ELL3: variants seen among roughly 807,000 people sequenced by gnomAD.
The protein encoded by ELL3 is elongation factor for RNA polymerase II 3, also known as RNA polymerase II elongation factor ELL3.
Under a neutral mutation model 58.5 loss-of-function variants are expected in ELL3, and 48 were observed. That is an observed-to-expected ratio of 0.82 (90% CI 0.65 to 1.04). The LOEUF (loss-of-function observed/expected upper bound fraction) is 1.04, where lower values mean the gene tolerates loss of function less well. ELL3 is among the 50% of genes least tolerant of loss of function. ELL3 has a pLI of 0.00. For synonymous variants in ELL3, 174 were observed against 173.2 expected, an observed-to-expected ratio of 1.00 and a Z score of -0.04; for missense variants, 458 against 478.4, an observed-to-expected ratio of 0.96 and a Z score of 0.40.
rs112143282 is a variant in ELL3, at chr15:43,776,456, C to A, written c.168+53G>T. 21 of 1,553,958 alleles carry A rather than the reference C, an allele frequency of 1.4e-5. No homozygotes were observed. In the African/African-American group the frequency reaches 1.6e-4, roughly 12 times the overall value. ...GACCGCACCTTCCACCTCCAGCCCA[C>A]GTTTATGCTCCCTCGCCCTCACCTC... On this transcript the variant is annotated intron_variant, in intron 2 of 10. Transcript: ENST00000319359.
At chr15:43,775,451 A>G (rs2086907691) in intron 5 of ELL3, 70 bp from the exon 6 acceptor site, 2 of 1,608,106 alleles carry the variant, frequency 1.2e-6, no homozygotes, top group East Asian at 4.5e-5. Context: ...TTTTATTACA[A>G]CATTTAAGAG....
At chr15:43,776,357 C>T in intron 2 of ELL3, 152 bp downstream of exon 2, 1 of 1,315,844 alleles carries the variant, frequency 7.6e-7, no homozygotes, top group Non-Finnish European at 1.1e-6. Flanking sequence ...ACAACCCCAG[C>T]AGCCTCCTCG....
Position 43,776,058 on chromosome 15 carries a change from C to G in ELL3, c.262G>C (p.Val88Leu). The G allele has an allele frequency of 6.2e-7, 1 of 1,614,160 alleles. No homozygotes were observed. Among genetic ancestry groups the G allele is most frequent in the Non-Finnish European group, 8.5e-7 (1 of 1,180,028 alleles). ...QEGAGGSLDL[V>L]CQRFLRSGPN... ...CCTCACCTGAGGAAGCGTTGGCACA[C>G]AAGGTCCAAGCTACCACCAGCGCCC... The change falls in exon 3 of 11, where the codon GTG becomes CTG. Residue 88 changes from valine (V) to leucine (L), a missense_variant. Physicochemically the swap from Val to Leu is conservative, Grantham distance 32. Coordinates refer to ENST00000319359, the MANE Select transcript of ELL3 (RefSeq NM_025165.3).
Position 43,776,826 on chromosome 15 carries a change from G to C in ELL3, c.76C>G (p.Leu26Val). The change falls in exon 1 of 11, where the codon CTG becomes GTG. Residue 26 changes from leucine (L) to valine (V), a missense_variant. Leu to Val is a conservative substitution (Grantham distance 32, BLOSUM62 1). Transcript: ENST00000319359. ...FTQAARTSLLLLRLNDAALRA... is the reference protein window; with the variant it reads ...FTQAARTSLLVLRLNDAALRA... ...AGGGCAGCGTCGTTGAGCCTGAGCA[G>C]TAAGAGGCTAGTCCGGGCAGCTTGC... 5 of 1,612,260 alleles carry C rather than the reference G, an allele frequency of 3.1e-6. No individual in the cohort carries two copies. Among genetic ancestry groups the C allele is most frequent in the Non-Finnish European group, 4.2e-6 (5 of 1,179,462 alleles).
intron 2 of ELL3, 131 bp downstream of exon 2, chr15:43,776,378 A>G (rs1390115146): frequency 9.2e-6 from 13 of 1,417,910 alleles, no homozygotes; most frequent in Non-Finnish European, 1.3e-5. Flanking sequence ...CCCCACTTGG[A>G]GTTCAGTTAT....
intron 6 of ELL3, 25 bp downstream of exon 6, chr15:43,775,281 A>G: frequency 6.4e-7 from 1 of 1,568,884 alleles, no homozygotes. Context: ...GTTACAAAAA[A>G]AAAGCCCTTG....
rs1473694219 is a variant in ELL3 at position 43,774,634 on chromosome 15, A to G, written c.785T>C (p.Met262Thr). 2.5e-6 allele frequency: 4 copies of G among 1,614,164 alleles called. No homozygotes were observed. Among genetic ancestry groups the G allele is most frequent in the Non-Finnish European group, 2.5e-6 (3 of 1,180,030 alleles). The change falls in exon 7 of 11, where the codon ATG becomes ACG. Residue 262 changes from methionine (M) to threonine (T), a missense_variant. Transcript: ENST00000319359. Reference sequence around the variant, plus strand: ...GGAACTGTGTTCTAATCTGGGGTCCATGTCCTCATCTTCTTGCTCCCAATC... The same window carrying G: ...GGAACTGTGTTCTAATCTGGGGTCCGTGTCCTCATCTTCTTGCTCCCAATC... Reference protein sequence around the residue: ...GEDWEQEDEDMDPRLEHSSSV... With the variant: ...GEDWEQEDEDTDPRLEHSSSV...
intron 9 of ELL3, among the ~76,000 whole-genome samples, chr15:43,773,651 T>G (rs2086894673): frequency 1.3e-5 from 2 of 150,596 alleles, no homozygotes; most frequent in Non-Finnish European, 2.9e-5. Context: ...TGAGCCAAGA[T>G]CACGCTACTG....
Position 43,776,948 on chromosome 15 carries a change from C to A in ELL3, c.-47G>T. The A allele has an allele frequency of 6.2e-7, 1 of 1,600,326 alleles. No individual in the cohort carries two copies. Among genetic ancestry groups the A allele is most frequent in the Non-Finnish European group, 8.5e-7 (1 of 1,178,020 alleles). Reference sequence around the variant, plus strand: ...CAGCACGGGGGCCACAGGCGAGGGCCACCACCGCCACCTCCTCTGTTCAGG... The same window carrying A: ...CAGCACGGGGGCCACAGGCGAGGGCAACCACCGCCACCTCCTCTGTTCAGG... On this transcript the variant is annotated 5_prime_UTR_variant, in exon 1 of 11. Transcript: ENST00000319359.
rs1567161106 is a variant in ELL3 at position 43,773,355 on chromosome 15, CAG to C, written c.1039-9_1039-8del. The C allele has an allele frequency of 3.1e-6, 5 of 1,614,052 alleles. No individual in the cohort carries two copies. The highest frequency in any genetic ancestry group is 2.2e-5 in the East Asian group (1 of 44,880). On this transcript the variant is annotated splice_region_variant and splice_polypyrimidine_tract_variant and intron_variant, in intron 9 of 10. Coordinates refer to ENST00000319359, the MANE Select transcript of ELL3 (RefSeq NM_025165.3). ...TTATCTTGTCTTCCAGGACCTGAAA[CAG>C]AAATTACTAGCACTGAGTTCAACAT... is the stretch of plus-strand genomic sequence containing the variant.
rs751949796 is a variant in ELL3 at position 43,776,091 on chromosome 15, A to G, written c.229T>C (p.Cys77Arg). 6.2e-7 allele frequency: 1 copy of G among 1,614,090 alleles called. No homozygotes were observed. Residue 77 changes from cysteine to arginine, a missense_variant, in exon 3 of 11, where the codon TGT (cysteine) becomes CGT (arginine). Physicochemically the swap from Cys to Arg is radical, Grantham distance 180. Coordinates refer to ENST00000319359, the MANE Select transcript of ELL3 (RefSeq NM_025165.3). ...AAGCTACCACCAGCGCCCTCCTGAC[A>G]ACACTGGGACACTATGAAGGAGAAG... ...CLFSFIVSQC[C>R]QEGAGGSLDL...
rs1156662871 is a variant in ELL3, at chr15:43,772,814, C to G, written c.*302G>C. On this transcript the variant is annotated 3_prime_UTR_variant, in exon 11 of 11. Coordinates refer to ENST00000319359, the MANE Select transcript of ELL3 (RefSeq NM_025165.3). ...TGTCTAATGTCCTCATTATTTTATC[C>G]TGAAGATGATGTCATTTCTCAGGAC... 1 of 241,456 alleles carries G rather than the reference C, an allele frequency of 4.1e-6. No homozygotes were observed. Among genetic ancestry groups the G allele is most frequent in the Non-Finnish European group, 7.9e-6 (1 of 127,126 alleles). The allele number at this position is 241,456 out of a possible 1,614,324, so 15.0% of individuals were successfully genotyped here.
chr15:43,775,459 G>A (rs972217989), intron 5 of ELL3, 66 bp downstream of exon 5: 6 of 1,608,298 alleles, frequency 3.7e-6, no homozygotes, highest in Non-Finnish European at 5.1e-6. Context: ...CAACATTTAA[G>A]AGTGGAGATT....
rs1027399000 is a variant in ELL3, at chr15:43,772,819, G to T, written c.*297C>A. The stretch of plus-strand genomic sequence containing the variant: ...AATGTCCTCATTATTTTATCCTGAA[G>T]ATGATGTCATTTCTCAGGACTTGAA... On this transcript the variant is annotated 3_prime_UTR_variant, in exon 11 of 11. Coordinates refer to ENST00000319359, the MANE Select transcript of ELL3 (RefSeq NM_025165.3). 2.0e-5 allele frequency: 5 copies of T among 253,586 alleles called. No homozygotes were observed. Among genetic ancestry groups the T allele is most frequent in the Non-Finnish European group, 3.0e-5 (4 of 134,898 alleles). 15.7% of individuals were successfully genotyped at this position (253,586 alleles called of 1,614,324 possible).
Position 43,773,121 on chromosome 15 carries a change from T to A in ELL3, c.1189A>T (p.Ser397Cys). 1.2e-6 allele frequency: 2 copies of A among 1,601,744 alleles called. No homozygotes were observed. The highest frequency in any genetic ancestry group is 1.7e-6 in the Non-Finnish European group (2 of 1,176,268). ...CAAAAATTCCCTTGATAACTTCAGCTGCCCCTGTTCTTTTCCTCAAACTCC... is the reference window on the plus strand; with the variant it reads ...CAAAAATTCCCTTGATAACTTCAGCAGCCCCTGTTCTTTTCCTCAAACTCC... ...ILEFEEKNRG[S>C] The change falls in exon 11 of 11, where the codon AGC becomes TGC. Residue 397 changes from serine to cysteine, a missense_variant. Transcript: ENST00000319359.
intron 8 of ELL3, 22 bp downstream of exon 8, chr15:43,774,454 T>C (rs757029051): frequency 1.9e-6 from 3 of 1,613,644 alleles, no homozygotes; most frequent in African/African-American, 1.3e-5. Context: ...CTTGATGAAA[T>C]TGGAAAAAGC....
intron 9 of ELL3, 24 bp from the exon 10 acceptor site, chr15:43,773,372 G>T: frequency 6.2e-7 from 1 of 1,613,656 alleles, no homozygotes; most frequent in South Asian, 1.1e-5. Context: ...TACTAGCACT[G>T]AGTTCAACAT....
intron 1 of ELL3, 104 bp downstream of exon 1, chr15:43,776,666 G>C (rs987307686): frequency 1.3e-6 from 2 of 1,545,448 alleles, no homozygotes; most frequent in African/African-American, 1.4e-5. Context: ...GGAGGCCAGA[G>C]CTTGCGGAAG....
chr15:43,776,181 T>A, intron 2 of ELL3, 30 bp from the exon 3 acceptor site: 1 of 1,589,866 alleles, frequency 6.3e-7, no homozygotes, highest in Admixed American at 1.7e-5. Flanking sequence ...GTAAGCCCCA[T>A]GAAGTCAGCC....
Sources: gnomAD v4.1 joint callset for allele counts (sites outside exome capture counted in the v4.1 genomes callset) on GRCh38, gnomAD v4.1.1 for gene constraint, MANE v1.5 for transcripts, NCBI Gene and HGNC (gene_info 2026-07-23, HGNC 2026-07-21) for gene names.